The following ILDR1 variants were observed in gnomAD, a reference collection of about 807,000 sequenced individuals.
The protein encoded by ILDR1 is immunoglobulin-like domain-containing receptor 1.
Under a neutral mutation model 62.4 loss-of-function variants are expected in ILDR1, and 56 were observed. The ratio of observed to expected loss-of-function variants is 0.90; its 90% CI spans 0.72 to 1.12. The LOEUF is 1.12. Among genes scored for constraint, ILDR1 ranks in the 50% most tolerant of loss-of-function variants. The pLI, the probability that ILDR1 is intolerant of heterozygous loss-of-function variation, is 0.00. For synonymous variants in ILDR1, 284 were observed against 277.8 expected (o/e 1.02, Z -0.22); for missense variants, 736 against 710.6 (o/e 1.04, Z -0.41).
At chr3:122,009,324 A>AACACACACACACACACACACACAC (rs60284951) in intron 1 of ILDR1, among the ~76,000 whole-genome samples, 4 of 137,902 alleles carry the variant, frequency 2.9e-5, no homozygotes, top group South Asian at 2.5e-4. Flanking sequence ...CTCAATTTAA[A>AACACACACACACACACACACACAC]ACACACACAC....
the ILDR1 span, among the ~76,000 whole-genome samples, chr3:122,041,313 A>G: frequency 7.2e-5 from 11 of 152,312 alleles, no homozygotes; most frequent in African/African-American, 2.2e-4. Context: ...TATCACTGCC[A>G]TAAGTTTGTT....
upstream of ILDR1, among the ~76,000 whole-genome samples, chr3:122,026,195 C>T (rs2071920434): frequency 1.3e-5 from 2 of 152,096 alleles, no homozygotes; most frequent in Non-Finnish European, 2.9e-5. Context: ...ATTTTGAATC[C>T]GGAGAGGCAT....
At chr3:122,005,750 C>A (rs888320129) in intron 2 of ILDR1, among the ~76,000 whole-genome samples, 1 of 151,918 alleles carries the variant, frequency 6.6e-6, no homozygotes, top group South Asian at 2.1e-4. Flanking sequence ...CATCCACCTG[C>A]CCTTAAAACA....
rs2071618817 is a variant in ILDR1, at chr3:122,006,837, T to C, written c.229+154A>G. On this transcript the variant is annotated intron_variant, in intron 2 of 7. Transcript: ENST00000344209. The stretch of plus-strand genomic sequence containing the variant: ...ATTTCATCTACCTGGGCTCCGTTTG[T>C]TTATCTATAAAACAGAGGAACTACA... Among the ~76,000 whole-genome samples, 5 of 152,200 alleles carry C rather than the reference T, an allele frequency of 3.3e-5. No homozygotes were observed. In the South Asian group the frequency reaches 1.0e-3, roughly 32 times the overall value.
At position 121,988,178 on chromosome 3, in the gene ILDR1, T is replaced by TTA. The variant is rs2071279863; in HGVS notation, c.*187_*188dup. On this transcript the variant is annotated 3_prime_UTR_variant, in exon 8 of 8. Coordinates refer to ENST00000344209, the MANE Select transcript of ILDR1 (RefSeq NM_001199799.2). The stretch of plus-strand genomic sequence containing the variant: ...TTCTTAGCCTCCCAAAGTGCTGTGA[T>TTA]TACAGGTGTGAGCCACTATACCCAA... 1 of 670,274 alleles carries TTA rather than the reference T, an allele frequency of 1.5e-6. No individual in the cohort carries two copies. Among genetic ancestry groups the TTA allele is most frequent in the Non-Finnish European group, 2.8e-6 (1 of 362,952 alleles). 41.5% of individuals were successfully genotyped at this position (670,274 alleles called of 1,614,324 possible).
At chr3:121,996,291 C>T (rs4974398) in intron 5 of ILDR1, among the ~76,000 whole-genome samples, 5,189 of 152,342 alleles carry the variant, frequency 0.034, 199 homozygotes, top group South Asian at 0.1. Flanking sequence ...AACTCTCTAA[C>T]AACCCTTCCA....
the ILDR1 span, among the ~76,000 whole-genome samples, chr3:122,041,732 C>A: frequency 6.6e-6 from 1 of 151,868 alleles, no homozygotes; most frequent in South Asian, 2.1e-4. Context: ...TATAGAAAAG[C>A]AACTGATTTT....
At position 121,996,871 on chromosome 3, in the gene ILDR1, T is replaced by G. The variant is rs768871609; in HGVS notation, c.647-2558A>C. Among the ~76,000 whole-genome samples the G allele has an allele frequency of 3.5e-4, 54 of 152,264 alleles. 1 individual carries two copies. Among genetic ancestry groups the G allele is most frequent in the Admixed American group, 1.8e-3 (27 of 15,300 alleles). ...CCCCTCTCCACTCTTACAGAACCCA[T>G]TCTTGCCCTTGTTTTGTTTTTTTTG... is the stretch of plus-strand genomic sequence containing the variant. On this transcript the variant is annotated intron_variant, in intron 5 of 7. Coordinates refer to ENST00000344209, the MANE Select transcript of ILDR1 (RefSeq NM_001199799.2).
chr3:122,002,648 T>C (rs928002518), intron 3 of ILDR1, among the ~76,000 whole-genome samples: 1 of 152,104 alleles, frequency 6.6e-6, no homozygotes, highest in Admixed American at 6.6e-5. Flanking sequence ...GTCAGGGGTA[T>C]ATGTGCAGGT....
At chr3:122,038,497 C>G in the ILDR1 span, among the ~76,000 whole-genome samples, 1 of 152,126 alleles carries the variant, frequency 6.6e-6, no homozygotes, top group African/African-American at 2.4e-5. Flanking sequence ...CTACTAAAGG[C>G]CTTGCAGAAG....
intron 1 of ILDR1, among the ~76,000 whole-genome samples, chr3:122,016,937 T>C (rs1576736129): frequency 6.6e-6 from 1 of 152,170 alleles, no homozygotes; most frequent in East Asian, 1.9e-4. Context: ...TTATGAGAAA[T>C]AAAGAAAGTG....
At chr3:121,989,302 G>C (rs972749991) in intron 7 of ILDR1, among the ~76,000 whole-genome samples, 4 of 152,186 alleles carry the variant, frequency 2.6e-5, no homozygotes, top group African/African-American at 9.7e-5. Flanking sequence ...AAAGGAACTT[G>C]TCCAAGTTTG....
At position 121,993,482 on chromosome 3, in the gene ILDR1, C is replaced by T. The variant is rs1172585670; in HGVS notation, c.1267G>A (p.Asp423Asn). The T allele has an allele frequency of 9.9e-6, 16 of 1,614,086 alleles. No homozygotes were observed. The East Asian group carries it at 2.2e-4, about 22-fold the overall frequency. ...CGTGCCTCACTGGATGAGGGGACAT[C>T]GCTTAGGCTGTCCCTGTCTGACCAG... Reference protein sequence around the residue: ...IHWSDRDSLSDVPSSSEARWR... With the variant: ...IHWSDRDSLSNVPSSSEARWR... Residue 423 changes from aspartate (D) to asparagine (N), a missense_variant, in exon 7 of 8, where the codon GAT (aspartate) becomes AAT (asparagine). Physicochemically the swap from Asp to Asn is conservative, Grantham distance 23. Transcript: ENST00000344209.
At chr3:122,006,345 G>C (rs1202571047) in intron 2 of ILDR1, among the ~76,000 whole-genome samples, 1 of 152,138 alleles carries the variant, frequency 6.6e-6, no homozygotes, top group Non-Finnish European at 1.5e-5. Context: ...TTGAGAGAAG[G>C]CAGAAATGGG....
chr3:122,037,237 C>A, the ILDR1 span, among the ~76,000 whole-genome samples: 4 of 152,184 alleles, frequency 2.6e-5, no homozygotes, highest in Non-Finnish European at 5.9e-5. Context: ...CATTCCCAGA[C>A]CCCAGAATGG....
chr3:122,006,862 A>C (rs2071619359), intron 2 of ILDR1, 129 bp downstream of exon 2: 9 of 963,386 alleles, frequency 9.3e-6, no homozygotes, highest in Non-Finnish European at 1.4e-5. Flanking sequence ...GAGGAACTAC[A>C]TTAGGTGATC....
chr3:121,987,994 C>G lies in ILDR1; in HGVS notation c.*373G>C. On this transcript the variant is annotated 3_prime_UTR_variant, in exon 8 of 8. Transcript: ENST00000344209. ...ATCATGGGATCCTGGCTCATTGCAG[C>G]CTTGCACTCCTGGGCTCAAGGGATC... The G allele has an allele frequency of 2.8e-6, 1 of 361,364 alleles. No homozygotes were observed. 22.4% of individuals were successfully genotyped at this position (361,364 alleles called of 1,614,324 possible).
the ILDR1 span, among the ~76,000 whole-genome samples, chr3:122,057,849 C>T: frequency 2.0e-5 from 3 of 152,154 alleles, no homozygotes; most frequent in Admixed American, 2.0e-4. Flanking sequence ...CCTTATTTTA[C>T]AGAAGTGATT....
At chr3:122,053,440 A>G in the ILDR1 span, among the ~76,000 whole-genome samples, 4 of 152,168 alleles carry the variant, frequency 2.6e-5, no homozygotes, top group Non-Finnish European at 5.9e-5. Context: ...TAAATACTAA[A>G]AACTCCTAAA....
Sources: gnomAD v4.1 joint callset for allele counts (sites outside exome capture counted in the v4.1 genomes callset) on GRCh38, gnomAD v4.1.1 for gene constraint, MANE v1.5 for transcripts, NCBI Gene and HGNC (gene_info 2026-07-23, HGNC 2026-07-21) for gene names.